SRGAP3: variants seen among roughly 807,000 people sequenced by gnomAD.
SRGAP3 encodes the protein SLIT-ROBO Rho GTPase activating protein 3.
A neutral mutation model predicts 121.1 loss-of-function variants in SRGAP3; 39 were observed. The observed-to-expected ratio is 0.32, with a 90% CI of 0.25 to 0.42. The LOEUF (loss-of-function observed/expected upper bound fraction) is 0.42. SRGAP3 is among the 10% of genes least tolerant of loss of function. The pLI, the probability that SRGAP3 is intolerant of heterozygous loss-of-function variation, is 1.00. For synonymous variants in SRGAP3, 601 were observed against 570.0 expected (o/e 1.05, Z -0.77); for missense variants, 1,213 against 1,470.6 (o/e 0.82, Z 2.86).
intron 18 of SRGAP3, among the ~76,000 whole-genome samples, 194 bp downstream of exon 18, chr3:9,010,112 GCT>G (rs1943288321): frequency 1.3e-5 from 2 of 152,220 alleles, no homozygotes; most frequent in South Asian, 4.1e-4. Context: ...ATGAGGATCT[GCT>G]CTGTGTCAGG....
At chr3:9,139,927 T>C (rs1949790814) in intron 1 of SRGAP3, among the ~76,000 whole-genome samples, 1 of 152,154 alleles carries the variant, frequency 6.6e-6, no homozygotes, top group East Asian at 1.9e-4. Context: ...TATTCTATCA[T>C]ACACCACCAC....
intron 7 of SRGAP3, 148 bp downstream of exon 7, chr3:9,058,103 T>G: frequency 1.2e-6 from 1 of 825,716 alleles, no homozygotes; most frequent in Non-Finnish European, 2.0e-6. Context: ...AGTGGTAAAC[T>G]CCTCAGCTGG....
At chr3:9,106,864 T>C (rs549203289) in intron 2 of SRGAP3, among the ~76,000 whole-genome samples, 1 of 152,052 alleles carries the variant, frequency 6.6e-6, no homozygotes, top group South Asian at 2.1e-4. Flanking sequence ...TATGACCACA[T>C]CCACCTCCCC....
intron 3 of SRGAP3, among the ~76,000 whole-genome samples, chr3:9,312,125 TTTTG>T (rs1348794157): frequency 2.6e-5 from 4 of 152,136 alleles, no homozygotes; most frequent in Admixed American, 6.5e-5. Flanking sequence ...GAGATTCAAT[TTTTG>T]TTTATGTTGT....
chr3:9,047,020 G>A (rs541162216), intron 10 of SRGAP3, among the ~76,000 whole-genome samples: 1 of 152,034 alleles, frequency 6.6e-6, no homozygotes, highest in East Asian at 1.9e-4. Flanking sequence ...TTTTAGTAGA[G>A]ACGGGGTTTC....
At chr3:9,082,386 C>A (rs115748463) in intron 3 of SRGAP3, among the ~76,000 whole-genome samples, 2,605 of 152,298 alleles carry the variant, frequency 0.017, 72 homozygotes, top group African/African-American at 0.06. Context: ...AGCTACCTTG[C>A]CCCTTCCACC....
At chr3:9,044,286 C>T (rs930211172) in intron 10 of SRGAP3, among the ~76,000 whole-genome samples, 1 of 152,170 alleles carries the variant, frequency 6.6e-6, no homozygotes, top group African/African-American at 2.4e-5. Flanking sequence ...GTGGATAGTA[C>T]CAAATCCTAC....
intron 1 of SRGAP3, chr3:9,348,707 C>A: frequency 1.7e-6 from 2 of 1,196,418 alleles, no homozygotes; most frequent in Non-Finnish European, 2.5e-6. Context: ...CCTCAATGAG[C>A]AGCACTCTGG....
At chr3:9,337,366 T>A (rs1010585359) in intron 1 of SRGAP3, among the ~76,000 whole-genome samples, 3 of 152,208 alleles carry the variant, frequency 2.0e-5, no homozygotes, top group Middle Eastern at 3.2e-3. Context: ...TATGGACTTA[T>A]TATCTGTGGA....
In SRGAP3 at chr3:9,344,565, G is replaced by A. The variant is rs537137141; in HGVS notation, n.215-13969C>T. Among the ~76,000 whole-genome samples, 7 of 151,048 alleles carry A rather than the reference G, an allele frequency of 4.6e-5. No homozygotes were observed. In the East Asian group the frequency reaches 9.9e-4, roughly 21 times the overall value. The stretch of plus-strand genomic sequence containing the variant: ...GGAGAATTGCTTGGAGCCGGGAGGC[G>A]GAGGTTGCAGTGAGCCGAGATCACA... On this transcript the variant is annotated intron_variant and non_coding_transcript_variant, in intron 1 of 3. Coordinates refer to the SRGAP3 transcript ENST00000490889.
chr3:9,146,773 C>T (rs897999679), intron 1 of SRGAP3, among the ~76,000 whole-genome samples: 3 of 152,158 alleles, frequency 2.0e-5, no homozygotes, highest in Non-Finnish European at 2.9e-5. Context: ...AGCGGGAACC[C>T]CACAAGGTAC....
chr3:9,182,554 C>T (rs1951447967), intron 1 of SRGAP3, among the ~76,000 whole-genome samples: 1 of 152,212 alleles, frequency 6.6e-6, no homozygotes, highest in African/African-American at 2.4e-5. Context: ...TGAGACAATA[C>T]ATTTCTGTGG....
intron 3 of SRGAP3, among the ~76,000 whole-genome samples, chr3:9,319,029 A>T (rs1288249087): frequency 1.3e-5 from 2 of 151,948 alleles, no homozygotes; most frequent in African/African-American, 2.4e-5. Flanking sequence ...ATAAAGGGAG[A>T]TGCTTAAAAG....
At chr3:9,036,600 AC>A (rs995782223) in intron 11 of SRGAP3, 11 of 147,586 alleles carry the variant, frequency 7.5e-5, no homozygotes, top group African/African-American at 2.8e-4. Flanking sequence ...AAACACACAA[AC>A]CCTCAACTTT....
intron 3 of SRGAP3, among the ~76,000 whole-genome samples, chr3:9,288,339 G>A (rs1454960645): frequency 1.3e-5 from 2 of 151,462 alleles, no homozygotes; most frequent in African/African-American, 2.4e-5. Flanking sequence ...GTTTCACCAT[G>A]TTAGCCAGTC....
intron 1 of SRGAP3, among the ~76,000 whole-genome samples, chr3:9,229,927 T>C (rs892783514): frequency 5.9e-5 from 9 of 152,200 alleles, no homozygotes; most frequent in African/African-American, 1.4e-4. Flanking sequence ...GTATCTGCTA[T>C]GTGTCTATTC....
At chr3:9,360,267 T>A (rs922695876) in intron 1 of SRGAP3, among the ~76,000 whole-genome samples, 5 of 152,220 alleles carry the variant, frequency 3.3e-5, no homozygotes, top group African/African-American at 1.2e-4. Context: ...TTTTCAGTCT[T>A]CTTGGGTATA....
intron 1 of SRGAP3, among the ~76,000 whole-genome samples, chr3:9,238,812 A>G (rs1316423334): frequency 1.3e-5 from 2 of 152,172 alleles, no homozygotes; most frequent in East Asian, 1.9e-4. Flanking sequence ...GTGTGTGAGC[A>G]GCAGAATCGC....
chr3:9,255,173 C>T (rs1018258924), intron 3 of SRGAP3, among the ~76,000 whole-genome samples: 1 of 151,990 alleles, frequency 6.6e-6, no homozygotes, highest in Non-Finnish European at 1.5e-5. Flanking sequence ...AGAATAACTA[C>T]TAAAAGAAAA....
Sources: allele counts gnomAD v4.1 joint callset (sites outside exome capture counted in the v4.1 genomes callset), GRCh38; gene constraint gnomAD v4.1.1; transcripts MANE v1.5; gene names NCBI Gene and HGNC (gene_info 2026-07-23, HGNC 2026-07-21).